Variants in OSBPL5 observed in about 807,000 individuals in gnomAD.
OSBPL5 encodes oxysterol-binding protein-related protein 5.
Under a neutral mutation model 111.2 loss-of-function variants are expected in OSBPL5, and 71 were observed. That is an observed-to-expected ratio of 0.64 (90% CI 0.53 to 0.78). The LOEUF is 0.78. OSBPL5 is among the 30% of genes least tolerant of loss of function. The pLI, the probability that OSBPL5 is intolerant of heterozygous loss-of-function variation, is 0.00. For missense variants in OSBPL5, 1,210 were observed against 1,189.3 expected (o/e 1.02, Z -0.26); for synonymous variants, 549 against 513.9 (o/e 1.07, Z -0.93).
Position 3,126,788 on chromosome 11 carries a change from C to G in OSBPL5, c.137-233G>C, listed in dbSNP as rs1371466005. The stretch of plus-strand genomic sequence containing the variant: ...GAACTGGCAGGGCCTCCAGGACCTA[C>G]AGGGAGGAAGCTGGGACAGGAGCTG... On this transcript the variant is annotated intron_variant, in intron 2 of 21. Transcript: ENST00000263650. The surrounding 1 kb of genome is among the most constrained non-coding windows in gnomAD (Gnocchi z 6.5). 3 of 440,176 alleles carry G rather than the reference C, an allele frequency of 6.8e-6. No individual in the cohort carries two copies. Among genetic ancestry groups the G allele is most frequent in the Non-Finnish European group, 1.2e-5 (3 of 243,836 alleles). 27.3% of individuals were successfully genotyped at this position (440,176 alleles called of 1,614,324 possible).
At chr11:3,139,414 GGGAA>G (rs1420672637) in intron 1 of OSBPL5, among the ~76,000 whole-genome samples, 5 of 152,220 alleles carry the variant, frequency 3.3e-5, no homozygotes, top group Admixed American at 2.0e-4. Context: ...AGGATGATGG[GGGAA>G]GGAAGAGCCA....
At chr11:3,145,105 C>G (rs1846296803) in intron 1 of OSBPL5, among the ~76,000 whole-genome samples, 1 of 152,220 alleles carries the variant, frequency 6.6e-6, no homozygotes, top group Non-Finnish European at 1.5e-5. Flanking sequence ...GGAGCCCATC[C>G]CTCCCGCTCT....
chr11:3,163,556 C>G (rs948059683), intron 1 of OSBPL5, among the ~76,000 whole-genome samples: 7 of 152,172 alleles, frequency 4.6e-5, no homozygotes, highest in African/African-American at 1.7e-4. Flanking sequence ...CGTTGGTATT[C>G]TGTAAAGAGC....
At chr11:3,094,749 T>C (rs527734633) in intron 14 of OSBPL5, 3 of 169,388 alleles carry the variant, frequency 1.8e-5, no homozygotes, top group Admixed American at 5.9e-5. Flanking sequence ...CGCTCTGGCA[T>C]TGGGCTCCTG....
chr11:3,153,956 G>A (rs1163556197), intron 1 of OSBPL5, among the ~76,000 whole-genome samples: 5 of 152,238 alleles, frequency 3.3e-5, no homozygotes, highest in African/African-American at 9.6e-5. Flanking sequence ...GCAGCTGGGA[G>A]CCCCGGGGTT....
chr11:3,154,992 G>A lies in OSBPL5; in HGVS notation c.-22+10224C>T, dbSNP rs957892977. ...TGGGCCCTAGTCCAATCTCACTGGT[G>A]TCCTTATAAAAAGAGGAGATGAGGA... On this transcript the variant is annotated intron_variant, in intron 1 of 21. Coordinates refer to ENST00000263650, the MANE Select transcript of OSBPL5 (RefSeq NM_020896.4). This position sits in a 1 kb window ranked among gnomAD's most constrained non-coding sequence, Gnocchi z 4.9. Among the ~76,000 whole-genome samples the A allele has an allele frequency of 1.3e-5, 2 of 152,178 alleles. No homozygotes were observed. Among genetic ancestry groups the A allele is most frequent in the Admixed American group, 6.5e-5 (1 of 15,274 alleles).
At position 3,110,912 on chromosome 11, in the gene OSBPL5, G is replaced by A. The variant is rs1324540758; in HGVS notation, c.692-2967C>T. On this transcript the variant is annotated intron_variant, in intron 7 of 21. Transcript: ENST00000263650. The surrounding 1 kb of genome is among the most constrained non-coding windows in gnomAD (Gnocchi z 5.3). ...TGGGCACATCGTCAGGACCTCCTGA[G>A]GCTGTGTCACAGGTAGGCGTCTTCA... 6.6e-6 allele frequency among the ~76,000 whole-genome samples: 1 copy of A among 152,150 alleles called. No individual in the cohort carries two copies. The highest frequency in any genetic ancestry group is 2.4e-5 in the African/African-American group (1 of 41,426).
chr11:3,149,746 C>T (rs539014035), intron 1 of OSBPL5, among the ~76,000 whole-genome samples: 2 of 152,354 alleles, frequency 1.3e-5, no homozygotes, highest in East Asian at 3.9e-4. Context: ...TCAAACGACC[C>T]CCCCGTCACT....
intron 1 of OSBPL5, chr11:3,164,023 G>A (rs918758361): frequency 6.6e-6 from 1 of 152,358 alleles, no homozygotes; most frequent in African/African-American, 2.4e-5. Context: ...CCTGGGGTTG[G>A]GGAGCAGAGT....
intron 1 of OSBPL5, among the ~76,000 whole-genome samples, chr11:3,153,027 A>C (rs1361939122): frequency 6.6e-6 from 1 of 151,946 alleles, no homozygotes; most frequent in Non-Finnish European, 1.5e-5. Flanking sequence ...GAAGAGGAGG[A>C]GTCTGGGGCC....
At chr11:3,159,054 G>A (rs531606639) in intron 1 of OSBPL5, among the ~76,000 whole-genome samples, 5 of 152,270 alleles carry the variant, frequency 3.3e-5, no homozygotes, top group African/African-American at 7.2e-5. Flanking sequence ...CATTTCCTCC[G>A]TCTCAGAGGG....
At chr11:3,160,792 G>T (rs934418402) in intron 1 of OSBPL5, 1 of 151,740 alleles carries the variant, frequency 6.6e-6, no homozygotes, top group Admixed American at 6.6e-5. Context: ...CCTTCCCCGC[G>T]AGGAAGCAGC....
rs1427774782 is a variant in OSBPL5 at position 3,092,501 on chromosome 11, C to A, written c.2190G>T (p.Leu730=). 7 of 1,580,896 alleles carry A rather than the reference C, an allele frequency of 4.4e-6. No individual in the cohort carries two copies. Among genetic ancestry groups the A allele is most frequent in the Non-Finnish European group, 6.0e-6 (7 of 1,163,842 alleles). Reference sequence around the variant, plus strand: ...CCACGGCCTCCTGCTGCAAGGTCCGCAGGATCCCGTCTTGCTCAAACTGGG... The same window carrying A: ...CCACGGCCTCCTGCTGCAAGGTCCGAAGGATCCCGTCTTGCTCAAACTGGG... ...DIAQFEQDGI[L]RTLQQEAVAR... Residue 730 remains leucine, a synonymous_variant, in exon 19 of 22, where the codon CTG becomes CTT. Transcript: ENST00000263650. This position sits in a 1 kb window ranked among gnomAD's most constrained non-coding sequence, Gnocchi z 5.4.
At chr11:3,099,101 G>C (rs559936657) in intron 14 of OSBPL5, among the ~76,000 whole-genome samples, 139 of 152,332 alleles carry the variant, frequency 9.1e-4, no homozygotes, top group Non-Finnish European at 1.8e-3. Flanking sequence ...ATCATGCCTA[G>C]TGGAGGAATC....
At chr11:3,093,971 A>G in intron 15 of OSBPL5, 136 bp from the exon 16 acceptor site, 2 of 1,103,042 alleles carry the variant, frequency 1.8e-6, no homozygotes, top group Admixed American at 2.3e-5. Context: ...ACCCTCGCCA[A>G]CGAGGCCTTC....
At chr11:3,123,765 G>A (rs1324094254) in intron 3 of OSBPL5, among the ~76,000 whole-genome samples, 2 of 152,216 alleles carry the variant, frequency 1.3e-5, no homozygotes, top group Admixed American at 1.3e-4. Flanking sequence ...GGTCCTGTTC[G>A]GGTGCTGCCT....
chr11:3,120,718 G>C (rs1347670127), intron 5 of OSBPL5, 94 bp from the exon 6 acceptor site: 5 of 1,430,484 alleles, frequency 3.5e-6, no homozygotes, highest in Admixed American at 4.0e-5. Flanking sequence ...CACAGACCAG[G>C]GTGGGCTGCC....
At chr11:3,123,479 C>G (rs118085047) in intron 3 of OSBPL5, among the ~76,000 whole-genome samples, 2 of 152,386 alleles carry the variant, frequency 1.3e-5, no homozygotes, top group Non-Finnish European at 2.9e-5. Flanking sequence ...TGTGGCTGTT[C>G]TCGTGCTTGG....
At chr11:3,134,653 G>T (rs1359856190) in intron 1 of OSBPL5, among the ~76,000 whole-genome samples, 2 of 152,260 alleles carry the variant, frequency 1.3e-5, no homozygotes, top group Non-Finnish European at 2.9e-5. Context: ...CTTTGGACTT[G>T]GGTTGGGGTG....
Sources: allele counts gnomAD v4.1 joint callset (sites outside exome capture counted in the v4.1 genomes callset), GRCh38; gene constraint gnomAD v4.1.1; non-coding constraint Gnocchi (gnomAD v3.1); transcripts MANE v1.5; gene names NCBI Gene and HGNC (gene_info 2026-07-23, HGNC 2026-07-21).